The following STPG2 variants were observed in gnomAD, a reference collection of about 807,000 sequenced individuals.
STPG2 encodes sperm-tail PG-rich repeat-containing protein 2.
A neutral mutation model predicts 54.2 loss-of-function variants in STPG2; 56 were observed. That is an observed-to-expected ratio of 1.03 (90% CI 0.83 to 1.29). The LOEUF (loss-of-function observed/expected upper bound fraction) is 1.29. STPG2 is among the 50% of genes most tolerant of loss of function. The pLI is 0.00. For synonymous variants in STPG2, 200 were observed against 181.8 expected (o/e 1.10, Z -0.81); for missense variants, 596 against 544.9 (o/e 1.09, Z -0.93).
chr4:97,777,930 G>A (rs1726434036), intron 9 of STPG2, among the ~76,000 whole-genome samples: 1 of 152,074 alleles, frequency 6.6e-6, no homozygotes, highest in Admixed American at 6.5e-5. Context: ...TCAATCAGGG[G>A]GGTGGTTCCA....
At chr4:97,630,531 G>C (rs1294689497) in intron 10 of STPG2, among the ~76,000 whole-genome samples, 1 of 151,658 alleles carries the variant, frequency 6.6e-6, no homozygotes, top group Non-Finnish European at 1.5e-5. Context: ...AATAATTTTA[G>C]CATCTGTTAT....
At chr4:98,110,419 A>G (rs772148596) in intron 3 of STPG2, among the ~76,000 whole-genome samples, 2 of 152,148 alleles carry the variant, frequency 1.3e-5, no homozygotes, top group Admixed American at 6.6e-5. Context: ...GGCGCATTCA[A>G]CTGGAAAGGT....
chr4:98,054,220 G>A (rs954534412), intron 5 of STPG2, among the ~76,000 whole-genome samples: 2 of 151,958 alleles, frequency 1.3e-5, no homozygotes, highest in Non-Finnish European at 2.9e-5. Flanking sequence ...AAAACAGCTG[G>A]TATTTAGCAA....
chr4:97,656,366 C>A (rs562204439), intron 10 of STPG2, among the ~76,000 whole-genome samples: 1 of 152,168 alleles, frequency 6.6e-6, no homozygotes, highest in East Asian at 1.9e-4. Flanking sequence ...CTGTTGACAA[C>A]ATTGAACAGA....
At chr4:97,564,367 TG>T (rs1468044759) in intron 10 of STPG2, among the ~76,000 whole-genome samples, 2 of 152,232 alleles carry the variant, frequency 1.3e-5, no homozygotes, top group African/African-American at 4.8e-5. Context: ...AGCACACTGA[TG>T]GGTCTTGACT....
intron 5 of STPG2, among the ~76,000 whole-genome samples, chr4:98,032,867 C>T (rs1736643081): frequency 6.6e-6 from 1 of 152,026 alleles, no homozygotes; most frequent in African/African-American, 2.4e-5. Context: ...AAAATGAAGG[C>T]AGAATAAAGA....
chr4:98,113,159 C>T (rs1214993), intron 3 of STPG2, among the ~76,000 whole-genome samples: 22,068 of 151,882 alleles, frequency 0.15, 1,749 homozygotes, highest in East Asian at 0.32. Flanking sequence ...CCAGCTAATC[C>T]GGCAGCTTTA....
intron 5 of STPG2, among the ~76,000 whole-genome samples, chr4:98,103,413 G>A (rs917399792): frequency 3.3e-5 from 5 of 152,014 alleles, no homozygotes; most frequent in African/African-American, 1.2e-4. Flanking sequence ...AGGCTGAAGT[G>A]GGTGGATCAC....
chr4:97,586,599 G>A lies in STPG2; in HGVS notation c.1321-27482C>T, dbSNP rs567681921. The stretch of plus-strand genomic sequence containing the variant: ...CTAGAGAGAAAGGCATCTTATTTAT[G>A]GGGAAACACCAATTTGAAGGCCAGC... On this transcript the variant is annotated intron_variant, in intron 10 of 10. Transcript: ENST00000295268. Among the ~76,000 whole-genome samples, 29 of 151,970 alleles carry A rather than the reference G, an allele frequency of 1.9e-4. No homozygotes were observed. The South Asian group carries it at 5.8e-3, about 30-fold the overall frequency.
intron 5 of STPG2, among the ~76,000 whole-genome samples, chr4:98,011,287 T>G (rs1735740329): frequency 2.0e-5 from 3 of 152,126 alleles, no homozygotes; most frequent in Non-Finnish European, 4.4e-5. Context: ...AAAGGTCATG[T>G]TCTCATTCCT....
intron 10 of STPG2, among the ~76,000 whole-genome samples, chr4:97,679,528 C>T (rs1320622601): frequency 6.6e-6 from 1 of 150,896 alleles, no homozygotes; most frequent in Non-Finnish European, 1.5e-5. Context: ...GGATATTAGC[C>T]CTTTGTCAGA....
At chr4:97,569,422 C>A (rs1159263448) in intron 10 of STPG2, among the ~76,000 whole-genome samples, 1 of 152,142 alleles carries the variant, frequency 6.6e-6, no homozygotes, top group Admixed American at 6.5e-5. Flanking sequence ...GTACTTTGTG[C>A]TGACCTCCTA....
chr4:97,551,600 A>C (rs1260618946), intron 4 of STPG2, among the ~76,000 whole-genome samples: 1 of 152,244 alleles, frequency 6.6e-6, no homozygotes, highest in African/African-American at 2.4e-5. Context: ...AGATTGAATT[A>C]GAACAAAAGA....
At chr4:97,743,205 C>A (rs1274927344) in intron 9 of STPG2, among the ~76,000 whole-genome samples, 1 of 151,630 alleles carries the variant, frequency 6.6e-6, no homozygotes, top group Non-Finnish European at 1.5e-5. Flanking sequence ...TTTGGTTGTA[C>A]TGTGAACAAG....
chr4:97,880,440 C>G (rs966057007), intron 8 of STPG2, among the ~76,000 whole-genome samples: 1 of 152,074 alleles, frequency 6.6e-6, no homozygotes, highest in African/African-American at 2.4e-5. Flanking sequence ...CAAAAAATGG[C>G]AAGATCTATT....
intron 5 of STPG2, among the ~76,000 whole-genome samples, chr4:98,005,012 C>T (rs1232346726): frequency 6.7e-6 from 1 of 148,240 alleles, no homozygotes; most frequent in Non-Finnish European, 1.5e-5. Context: ...ATCCCATTTG[C>T]TTATTTTTAG....
intron 4 of STPG2, among the ~76,000 whole-genome samples, chr4:97,552,115 A>C (rs1731979365): frequency 6.6e-6 from 1 of 152,182 alleles, no homozygotes; most frequent in African/African-American, 2.4e-5. Flanking sequence ...TAGAAAAAAA[A>C]CATATTGTAT....
chr4:97,660,261 G>A lies in STPG2; in HGVS notation c.1320+52438C>T, dbSNP rs949043554. Among the ~76,000 whole-genome samples, 3 of 152,116 alleles carry A rather than the reference G, an allele frequency of 2.0e-5. No individual in the cohort carries two copies. The East Asian group carries it at 5.8e-4, about 29-fold the overall frequency. ...CGCAATCCGCCCGCCTCGGCTTCCC[G>A]AAGTGCTGGGATTACAGGCGTGAGC... On this transcript the variant is annotated intron_variant, in intron 10 of 10. Transcript: ENST00000295268.
At chr4:97,779,909 C>G (rs1053808080) in intron 9 of STPG2, among the ~76,000 whole-genome samples, 6 of 152,064 alleles carry the variant, frequency 3.9e-5, no homozygotes, top group African/African-American at 1.4e-4. Context: ...CCAGGCCTGC[C>G]CTAAAAGAGC....
Sources: gnomAD v4.1 joint callset for allele counts (sites outside exome capture counted in the v4.1 genomes callset) on GRCh38, gnomAD v4.1.1 for gene constraint, MANE v1.5 for transcripts, NCBI Gene and HGNC (gene_info 2026-07-23, HGNC 2026-07-21) for gene names.